Variants in ELP4 observed in about 807,000 individuals in gnomAD.
The protein encoded by ELP4 is elongator complex protein 4.
ELP4 carries 51 observed loss-of-function variants against 48.9 expected under a neutral mutation model. That is an observed-to-expected ratio of 1.04 (90% CI 0.83 to 1.32). The LOEUF is 1.32. Among genes scored for constraint, ELP4 ranks in the 40% most tolerant of loss-of-function variants. The pLI is 0.00. For missense variants in ELP4, 519 were observed against 514.6 expected, an observed-to-expected ratio of 1.01 and a Z score of -0.08; for synonymous variants, 210 against 189.2, an observed-to-expected ratio of 1.11 and a Z score of -0.90.
At chr11:31,782,188 A>T (rs1592308127) in intron 9 of ELP4, among the ~76,000 whole-genome samples, 1 of 152,250 alleles carries the variant, frequency 6.6e-6, no homozygotes, top group East Asian at 1.9e-4. Flanking sequence ...TATTTTGATC[A>T]TGTGCACACA....
intron 9 of ELP4, among the ~76,000 whole-genome samples, chr11:31,771,573 C>T (rs1948143295): frequency 6.6e-6 from 1 of 152,222 alleles, no homozygotes; most frequent in South Asian, 2.1e-4. Context: ...GAAAAGCTGA[C>T]TTTTTCTCTG....
At chr11:31,618,556 A>G (rs1224106662) in intron 5 of ELP4, among the ~76,000 whole-genome samples, 1 of 152,072 alleles carries the variant, frequency 6.6e-6, no homozygotes, top group African/African-American at 2.4e-5. Context: ...AGGTCCCACC[A>G]CTTAATACGG....
intron 7 of ELP4, among the ~76,000 whole-genome samples, chr11:31,637,563 C>T (rs1945007364): frequency 6.6e-6 from 1 of 151,914 alleles, no homozygotes; most frequent in African/African-American, 2.4e-5. Flanking sequence ...CCCCCTTTTA[C>T]TGTTAGAAAC....
At chr11:31,625,444 G>A (rs1944722246) in intron 5 of ELP4, among the ~76,000 whole-genome samples, 1 of 151,666 alleles carries the variant, frequency 6.6e-6, no homozygotes, top group South Asian at 2.1e-4. Context: ...AAGAAAATGT[G>A]GTGTACACAC....
intron 3 of ELP4, among the ~76,000 whole-genome samples, chr11:31,565,042 T>A (rs1334988252): frequency 1.3e-5 from 2 of 152,216 alleles, no homozygotes; most frequent in East Asian, 3.8e-4. Context: ...GCACCTGTTA[T>A]TTCCTGACTT....
intron 5 of ELP4, among the ~76,000 whole-genome samples, chr11:31,622,284 T>G (rs1453171790): frequency 1.3e-5 from 2 of 151,812 alleles, no homozygotes; most frequent in African/African-American, 4.8e-5. Context: ...CCAGGGTTTT[T>G]TGTTGGTGGT....
At chr11:31,716,230 G>A (rs1447926154) in intron 9 of ELP4, among the ~76,000 whole-genome samples, 1 of 152,052 alleles carries the variant, frequency 6.6e-6, no homozygotes, top group Non-Finnish European at 1.5e-5. Flanking sequence ...CCAGGATGGT[G>A]TCAAACTCCT....
rs1956096840 is a variant in ELP4 at position 31,515,602 on chromosome 11, T to A, written c.224-4454T>A. 1.3e-5 allele frequency among the ~76,000 whole-genome samples: 2 copies of A among 152,150 alleles called. 1 individual carries two copies. Among genetic ancestry groups the A allele is most frequent in the South Asian group, 4.1e-4 (2 of 4,820 alleles). On this transcript the variant is annotated intron_variant, in intron 1 of 9. Transcript: ENST00000640961. ...ACCCTTGAGCCTGGGAGGTTCGAGC[T>A]GCAGTGAACCATGATTGCACCACTG...
chr11:31,602,651 TTAAGAA>T (rs1226521814), intron 4 of ELP4, among the ~76,000 whole-genome samples: 2 of 151,984 alleles, frequency 1.3e-5, no homozygotes, highest in African/African-American at 4.8e-5. Flanking sequence ...GGCATTTAGT[TTAAGAA>T]TATGAATCCT....
chr11:31,557,857 T>G (rs184309842), intron 3 of ELP4, among the ~76,000 whole-genome samples: 4 of 152,170 alleles, frequency 2.6e-5, no homozygotes, highest in African/African-American at 9.6e-5. Context: ...CTTAATACCT[T>G]ATAAATAATT....
At chr11:31,763,556 GC>G in intron 9 of ELP4, 1 of 1,577,564 alleles carries the variant, frequency 6.3e-7, no homozygotes, top group Admixed American at 1.8e-5. Context: ...AAGGGTATGG[GC>G]TTTCCCTTTT....
intron 9 of ELP4, among the ~76,000 whole-genome samples, chr11:31,680,215 G>T (rs966626723): frequency 3.3e-5 from 5 of 152,246 alleles, no homozygotes; most frequent in African/African-American, 1.2e-4. Flanking sequence ...TTCATTACAT[G>T]CAGGACTGGA....
Position 31,520,038 on chromosome 11 carries a change from GT to G in ELP4, c.224-14del, listed in dbSNP as rs1956187557. ...GAAAAGGTAAATTAATTTTCTTCTG[GT>G]TTTGTTTCATTTCCAGGTGGAGGTT... is the stretch of plus-strand genomic sequence containing the variant. On this transcript the variant is annotated splice_polypyrimidine_tract_variant and intron_variant, in intron 1 of 9. Coordinates refer to ENST00000640961, the MANE Select transcript of ELP4 (RefSeq NM_019040.5). 3 of 1,611,248 alleles carry G rather than the reference GT, an allele frequency of 1.9e-6. No homozygotes were observed. In the African/African-American group the frequency reaches 4.0e-5, roughly 22 times the overall value.
rs1945383853 is a variant in ELP4 at position 31,654,344 on chromosome 11, A to T, written c.1143+4123A>T. 3 of 151,808 alleles carry T rather than the reference A, an allele frequency of 2.0e-5. No homozygotes were observed. The South Asian group carries it at 6.2e-4, about 31-fold the overall frequency. 9.4% of individuals were successfully genotyped at this position (151,808 alleles called of 1,614,324 possible). On this transcript the variant is annotated intron_variant, in intron 9 of 9. Coordinates refer to ENST00000640961, the MANE Select transcript of ELP4 (RefSeq NM_019040.5). The stretch of plus-strand genomic sequence containing the variant: ...ACTTGTGTAGGCTGTAATTGGTCAA[A>T]AAAATAGTGTCAAAGTAAATCATGT...
At chr11:31,696,022 A>G (rs1476671257) in intron 9 of ELP4, among the ~76,000 whole-genome samples, 6 of 151,720 alleles carry the variant, frequency 4.0e-5, no homozygotes, top group Non-Finnish European at 8.8e-5. Context: ...TATCCCCTTT[A>G]TCATTTTTTA....
In ELP4 at chr11:31,790,003, A is replaced by C. The variant is rs372956285; in HGVS notation, c.*6479A>C. Reference sequence around the variant, plus strand: ...CGGGAACTTGAACTGGAACTGACACACCAGGGGAAATGAGTCCTAGAAGTG... The same window carrying C: ...CGGGAACTTGAACTGGAACTGACACCCCAGGGGAAATGAGTCCTAGAAGTG... On this transcript the variant is annotated 3_prime_UTR_variant, in exon 10 of 10. Transcript: ENST00000640961. 6 of 1,559,004 alleles carry C rather than the reference A, an allele frequency of 3.8e-6. No homozygotes were observed. Among genetic ancestry groups the C allele is most frequent in the Non-Finnish European group, 5.2e-6 (6 of 1,152,772 alleles).
chr11:31,565,449 A>G lies in ELP4; in HGVS notation c.381+25666A>G, dbSNP rs1296002569. ...TGTTTTAGACATGAAGTCCTTGCCC[A>G]TGCCTATGTCCTGAATGGTATTGCC... On this transcript the variant is annotated intron_variant, in intron 3 of 9. Coordinates refer to ENST00000640961, the MANE Select transcript of ELP4 (RefSeq NM_019040.5). Among the ~76,000 whole-genome samples, 14 of 144,512 alleles carry G rather than the reference A, an allele frequency of 9.7e-5. No individual in the cohort carries two copies. In the South Asian group the frequency reaches 2.2e-3, roughly 23 times the overall value. The allele number at this position is 144,512 out of a possible 152,430, so 94.8% of individuals were successfully genotyped here.
At chr11:31,746,266 AG>A (rs1947588087) in intron 9 of ELP4, among the ~76,000 whole-genome samples, 1 of 152,224 alleles carries the variant, frequency 6.6e-6, no homozygotes, top group South Asian at 2.1e-4. Context: ...GTGGAGAAAT[AG>A]GAACACTTTT....
At chr11:31,638,723 G>A (rs940528653) in intron 7 of ELP4, among the ~76,000 whole-genome samples, 2 of 151,898 alleles carry the variant, frequency 1.3e-5, no homozygotes, top group South Asian at 2.1e-4. Flanking sequence ...GAGAAATTCA[G>A]AACAAACCTT....
Sources: gnomAD v4.1 joint callset for allele counts (sites outside exome capture counted in the v4.1 genomes callset) on GRCh38, gnomAD v4.1.1 for gene constraint, MANE v1.5 for transcripts, NCBI Gene and HGNC (gene_info 2026-07-23, HGNC 2026-07-21) for gene names.